The following VWA3B variants were observed in gnomAD, a reference collection of about 807,000 sequenced individuals.
VWA3B encodes the protein von Willebrand factor A domain containing 3B.
Under a neutral mutation model 158.3 loss-of-function variants are expected in VWA3B, and 138 were observed. The observed-to-expected ratio is 0.87, with a 90% CI of 0.76 to 1.00. VWA3B has a LOEUF of 1.00. Among genes scored for constraint, VWA3B ranks in the 50% least tolerant of loss-of-function variants. VWA3B has a pLI of 0.00. For missense variants in VWA3B, 1,555 were observed against 1,565.1 expected (o/e 0.99, Z 0.11); for synonymous variants, 596 against 587.3 (o/e 1.01, Z -0.21).
chr2:98,139,217 G>A (rs1019199398), intron 7 of VWA3B, among the ~76,000 whole-genome samples: 2 of 152,210 alleles, frequency 1.3e-5, no homozygotes, highest in African/African-American at 2.4e-5. Flanking sequence ...TCGATTTCTC[G>A]CCAGGCCTTA....
At chr2:98,174,511 T>C (rs1679848212) in intron 8 of VWA3B, among the ~76,000 whole-genome samples, 1 of 152,234 alleles carries the variant, frequency 6.6e-6, no homozygotes, top group African/African-American at 2.4e-5. Flanking sequence ...TGGGAACCGT[T>C]GTCAAAAACA....
intron 19 of VWA3B, among the ~76,000 whole-genome samples, chr2:98,246,662 G>GTCCACCCT (rs1686415974): frequency 6.6e-6 from 1 of 152,044 alleles, no homozygotes; most frequent in African/African-American, 2.4e-5. Context: ...GATTACAAGG[G>GTCCACCCT]TGAGCCACCC....
At chr2:98,146,454 T>A (rs1372082957) in intron 7 of VWA3B, among the ~76,000 whole-genome samples, 1 of 152,180 alleles carries the variant, frequency 6.6e-6, no homozygotes, top group Non-Finnish European at 1.5e-5. Flanking sequence ...TTCCTGCATA[T>A]AAGTTTGTTC....
At chr2:98,191,937 C>T (rs1681616772) in intron 10 of VWA3B, among the ~76,000 whole-genome samples, 1 of 152,208 alleles carries the variant, frequency 6.6e-6, no homozygotes, top group African/African-American at 2.4e-5. Context: ...CCTCCACCCC[C>T]CAGGCTTTGC....
At chr2:98,107,356 G>T (rs1441238437) in intron 2 of VWA3B, among the ~76,000 whole-genome samples, 1 of 152,010 alleles carries the variant, frequency 6.6e-6, no homozygotes, top group Admixed American at 6.6e-5. Flanking sequence ...CATAAAATGA[G>T]TTGGGACGTA....
downstream of VWA3B, among the ~76,000 whole-genome samples, chr2:98,315,783 CATG>C (rs1301627534): frequency 6.6e-6 from 1 of 152,168 alleles, no homozygotes; most frequent in Non-Finnish European, 1.5e-5. Flanking sequence ...GATGTTTGCA[CATG>C]ATAAAAGACA....
intron 1 of VWA3B, among the ~76,000 whole-genome samples, chr2:98,088,784 C>T (rs1282769263): frequency 2.0e-5 from 3 of 151,890 alleles, no homozygotes; most frequent in Non-Finnish European, 4.4e-5. Flanking sequence ...GACAGGGTCT[C>T]GCTCTGTCCC....
chr2:98,106,492 G>A (rs1013542800), intron 2 of VWA3B, among the ~76,000 whole-genome samples: 1 of 152,076 alleles, frequency 6.6e-6, no homozygotes, highest in Non-Finnish European at 1.5e-5. Flanking sequence ...CTATGCTGAC[G>A]AAAATGCTGA....
At chr2:98,195,133 A>G (rs1018931352) in intron 12 of VWA3B, among the ~76,000 whole-genome samples, 10 of 152,174 alleles carry the variant, frequency 6.6e-5, no homozygotes, top group African/African-American at 2.4e-4. Flanking sequence ...TACAATTGAG[A>G]CCAAGAGTTG....
rs74728236 is a variant in VWA3B at position 98,236,097 on chromosome 2, G to A, written c.2429-293G>A. On this transcript the variant is annotated intron_variant, in intron 17 of 27. Transcript: ENST00000477737. ...CAATATTGAACAATCATTGGTTAATGGTATTTTTATTGCACACTTTTTAGA... is the reference window on the plus strand; with the variant it reads ...CAATATTGAACAATCATTGGTTAATAGTATTTTTATTGCACACTTTTTAGA... Among the ~76,000 whole-genome samples the A allele has an allele frequency of 3.5e-3, 529 of 152,198 alleles. 2 individuals carry two copies. The highest frequency in any genetic ancestry group is 0.012 in the African/African-American group (503 of 41,516).
At chr2:98,189,295 C>T (rs1335777262) in intron 10 of VWA3B, among the ~76,000 whole-genome samples, 2 of 152,048 alleles carry the variant, frequency 1.3e-5, no homozygotes, top group Admixed American at 6.6e-5. Context: ...TAGTCCCAGC[C>T]GTTCGGGAGG....
At chr2:98,131,522 C>T (rs75352881) in intron 6 of VWA3B, among the ~76,000 whole-genome samples, 32 of 152,290 alleles carry the variant, frequency 2.1e-4, no homozygotes, top group African/African-American at 7.5e-4. Context: ...GAGAAATCTC[C>T]ATAGTCTTTC....
chr2:98,202,982 A>G (rs1348386675), intron 12 of VWA3B, among the ~76,000 whole-genome samples: 8 of 152,116 alleles, frequency 5.3e-5, no homozygotes, highest in Non-Finnish European at 8.8e-5. Context: ...ACAGGCATGT[A>G]CCACCATGCC....
chr2:98,254,258 A>G (rs1362334427), intron 20 of VWA3B, among the ~76,000 whole-genome samples: 1 of 152,124 alleles, frequency 6.6e-6, no homozygotes, highest in Non-Finnish European at 1.5e-5. Context: ...AAAGCTACGT[A>G]GCACAGGATC....
At chr2:98,209,998 G>A (rs1683372810) in intron 12 of VWA3B, among the ~76,000 whole-genome samples, 1 of 152,168 alleles carries the variant, frequency 6.6e-6, no homozygotes, top group Admixed American at 6.5e-5. Flanking sequence ...TGTCTGCAGG[G>A]GTGGAAGGCA....
At chr2:98,201,699 T>G (rs1682559099) in intron 12 of VWA3B, among the ~76,000 whole-genome samples, 2 of 152,210 alleles carry the variant, frequency 1.3e-5, no homozygotes, top group African/African-American at 4.8e-5. Flanking sequence ...ATTGTTACCA[T>G]AAACAAATAT....
At chr2:98,087,614 C>G (rs971923731) in intron 1 of VWA3B, among the ~76,000 whole-genome samples, 7 of 152,112 alleles carry the variant, frequency 4.6e-5, no homozygotes, top group African/African-American at 1.4e-4. Flanking sequence ...ACACCTCACC[C>G]GAGCCCACGC....
chr2:98,208,314 A>G (rs1257756708), intron 12 of VWA3B, among the ~76,000 whole-genome samples: 1 of 151,972 alleles, frequency 6.6e-6, no homozygotes, highest in Non-Finnish European at 1.5e-5. Context: ...TCACTCTTCA[A>G]TCTCTGTCAT....
chr2:98,260,294 A>C (rs1371217898), intron 21 of VWA3B, among the ~76,000 whole-genome samples: 2 of 151,672 alleles, frequency 1.3e-5, no homozygotes, highest in African/African-American at 4.8e-5. Flanking sequence ...TAGATGTTTT[A>C]TCCATTATCT....
Sources: allele counts gnomAD v4.1 joint callset (sites outside exome capture counted in the v4.1 genomes callset), GRCh38; gene constraint gnomAD v4.1.1; transcripts MANE v1.5; gene names NCBI Gene and HGNC (gene_info 2026-07-23, HGNC 2026-07-21).